OCA2: variants seen among roughly 807,000 people sequenced by gnomAD.
The protein encoded by OCA2 is OCA2 melanosomal transmembrane protein, also known as P protein.
OCA2 carries 77 observed loss-of-function variants against 100.2 expected under a neutral mutation model. That is an observed-to-expected ratio of 0.77 (90% CI 0.64 to 0.93). The LOEUF (loss-of-function observed/expected upper bound fraction) is 0.93. Ranked by LOEUF, OCA2 falls within the 40% of genes least tolerant of loss-of-function variation. The pLI is 0.00. For missense variants in OCA2, 1,062 were observed against 1,089.1 expected, an observed-to-expected ratio of 0.98 and a Z score of 0.35; for synonymous variants, 432 against 439.2, an observed-to-expected ratio of 0.98 and a Z score of 0.21.
At position 27,957,613 on chromosome 15, in the gene OCA2, C is replaced by T. The variant is rs759401481; in HGVS notation, c.1759G>A (p.Ala587Thr). ...GKVLALEHLL[A>T]RRLHTFHRQI... is the part of the protein sequence containing the mutation. ...CTGTGGAAGGTGTGCAGCCTCCGGG[C>T]GAGCAGGTGCTCCAGTGCCAGCACC... The change falls in exon 16 of 24, where the codon GCC (alanine) becomes ACC (threonine). Residue 587 changes from alanine (A) to threonine (T), a missense_variant. By Grantham distance (58) the Ala-to-Thr change is moderately conservative (BLOSUM62 0). Coordinates refer to ENST00000354638, the MANE Select transcript of OCA2 (RefSeq NM_000275.3). The surrounding 1 kb of genome is among the most constrained non-coding windows in gnomAD (Gnocchi z 4.3). The T allele has an allele frequency of 4.5e-5, 72 of 1,612,786 alleles. 2 individuals are homozygous for T. The highest frequency in any genetic ancestry group is 2.9e-4 in the South Asian group (26 of 91,074).
intron 15 of OCA2, among the ~76,000 whole-genome samples, chr15:27,962,608 T>A (rs2140772626): frequency 6.6e-6 from 1 of 152,272 alleles, no homozygotes; most frequent in Non-Finnish European, 1.5e-5. Flanking sequence ...TAGTATAATA[T>A]CGCTCAAAGT....
chr15:27,903,567 A>G (rs930553970), intron 19 of OCA2, among the ~76,000 whole-genome samples: 1 of 152,178 alleles, frequency 6.6e-6, no homozygotes, highest in African/African-American at 2.4e-5. Context: ...AAAACCCTGG[A>G]AAGTCCCGGG....
chr15:27,916,532 G>C (rs2038670648), intron 19 of OCA2, among the ~76,000 whole-genome samples: 1 of 152,102 alleles, frequency 6.6e-6, no homozygotes, highest in African/African-American at 2.4e-5. Flanking sequence ...AAAAGGACAA[G>C]TAAAATAACA....
intron 6 of OCA2, among the ~76,000 whole-genome samples, chr15:28,020,329 A>T (rs2141278494): frequency 6.6e-6 from 1 of 152,284 alleles, no homozygotes; most frequent in East Asian, 1.9e-4. Context: ...TAGTGACCTA[A>T]GCTGCTGTGC....
intron 9 of OCA2, among the ~76,000 whole-genome samples, chr15:28,012,362 T>A (rs957984655): frequency 1.1e-4 from 17 of 152,084 alleles, no homozygotes; most frequent in African/African-American, 3.6e-4. Context: ...TACTGAAAGA[T>A]TGCCAGGGAA....
intron 18 of OCA2, among the ~76,000 whole-genome samples, chr15:27,932,643 C>A (rs2039295528): frequency 6.6e-6 from 1 of 152,200 alleles, no homozygotes; most frequent in Admixed American, 6.5e-5. Flanking sequence ...GGTTCTAGCA[C>A]AGAGCCAATC....
At chr15:28,070,249 C>A (rs1361454066) in intron 2 of OCA2, among the ~76,000 whole-genome samples, 1 of 140,206 alleles carries the variant, frequency 7.1e-6, no homozygotes, top group Non-Finnish European at 1.5e-5. Context: ...CGCCCGGCAG[C>A]CACCCCATCT....
intron 23 of OCA2, among the ~76,000 whole-genome samples, chr15:27,833,455 C>T (rs1046184821): frequency 2.6e-5 from 4 of 152,166 alleles, no homozygotes; most frequent in Middle Eastern, 3.2e-3. Flanking sequence ...CTCTCCTGAC[C>T]CCACTGCAGC....
chr15:27,996,622 A>C (rs1449657518), intron 9 of OCA2, among the ~76,000 whole-genome samples: 1 of 152,026 alleles, frequency 6.6e-6, no homozygotes. Flanking sequence ...CACATAAATA[A>C]AATTATAAAT....
chr15:27,877,514 A>C (rs1489866055), intron 19 of OCA2, among the ~76,000 whole-genome samples: 1 of 151,960 alleles, frequency 6.6e-6, no homozygotes, highest in African/African-American at 2.4e-5. Context: ...GGACATTTAT[A>C]ATTGTTATAT....
chr15:27,870,788 A>AAAAGAAAGAAAG (rs148699055), intron 21 of OCA2, among the ~76,000 whole-genome samples: 1 of 126,624 alleles, frequency 7.9e-6, no homozygotes, highest in African/African-American at 3.7e-5. Context: ...GAAAGAAAGA[A>AAAAGAAAGAAAG]AAAGAAAGAA....
chr15:27,963,857 C>G (rs1048945381), intron 15 of OCA2, among the ~76,000 whole-genome samples: 4 of 151,688 alleles, frequency 2.6e-5, no homozygotes, highest in Admixed American at 2.6e-4. Flanking sequence ...ATAAACCAAC[C>G]AAAGAGAGAG....
At chr15:27,839,648 G>A (rs1465021344) in intron 23 of OCA2, among the ~76,000 whole-genome samples, 6 of 148,096 alleles carry the variant, frequency 4.1e-5, no homozygotes. Context: ...AAATAACATA[G>A]TAACCACCTT....
intron 23 of OCA2, among the ~76,000 whole-genome samples, chr15:27,828,069 T>C (rs2034803289): frequency 6.6e-6 from 1 of 152,132 alleles, no homozygotes; most frequent in Non-Finnish European, 1.5e-5. Context: ...GAGTAGAAAA[T>C]TAACTTGAGT....
intron 19 of OCA2, among the ~76,000 whole-genome samples, chr15:27,891,228 G>A (rs1428153124): frequency 1.3e-5 from 2 of 152,176 alleles, no homozygotes; most frequent in Non-Finnish European, 2.9e-5. Flanking sequence ...TTCACTCAAA[G>A]TGGTAATTCT....
At chr15:27,737,788 A>G in the OCA2 span, among the ~76,000 whole-genome samples, 2 of 152,360 alleles carry the variant, frequency 1.3e-5, no homozygotes, top group Admixed American at 6.5e-5. Flanking sequence ...CAAATATGCC[A>G]TTAAAAGAGT....
intron 23 of OCA2, among the ~76,000 whole-genome samples, chr15:27,771,097 C>G (rs1402738870): frequency 6.7e-6 from 1 of 149,712 alleles, no homozygotes; most frequent in South Asian, 2.1e-4. Context: ...TTTTCTCCCT[C>G]CATTTTTTGC....
the OCA2 span, among the ~76,000 whole-genome samples, chr15:27,724,311 G>A: frequency 1.3e-5 from 2 of 151,998 alleles, no homozygotes; most frequent in African/African-American, 2.4e-5. Flanking sequence ...AGTTAGCCCC[G>A]GGCCTCTCCC....
At chr15:27,968,058 A>G (rs1016612587) in intron 14 of OCA2, among the ~76,000 whole-genome samples, 5 of 151,730 alleles carry the variant, frequency 3.3e-5, no homozygotes, top group Admixed American at 6.6e-5. Context: ...TCTTTCGCTG[A>G]CGTCCTGGAA....
Sources: gnomAD v4.1 joint callset for allele counts (sites outside exome capture counted in the v4.1 genomes callset) on GRCh38, gnomAD v4.1.1 for gene constraint, Gnocchi (gnomAD v3.1) non-coding constraint, MANE v1.5 for transcripts, NCBI Gene and HGNC (gene_info 2026-07-23, HGNC 2026-07-21) for gene names.